The following EXT1 variants were observed in gnomAD, a reference collection of about 807,000 sequenced individuals.
The protein encoded by EXT1 is exostosin-1.
In EXT1, 20 loss-of-function variants were observed where a neutral mutation model predicts 82.5. The ratio of observed to expected loss-of-function variants is 0.24; its 90% CI spans 0.17 to 0.35. The LOEUF is 0.35. Among genes scored for constraint, EXT1 ranks in the 10% least tolerant of loss-of-function variants. EXT1 has a pLI of 1.00. For synonymous variants in EXT1, 348 were observed against 350.8 expected, an observed-to-expected ratio of 0.99 and a Z score of 0.09; for missense variants, 757 against 936.5, an observed-to-expected ratio of 0.81 and a Z score of 2.50.
At chr8:117,883,802 G>A (rs1340514743) in intron 1 of EXT1, among the ~76,000 whole-genome samples, 1 of 152,202 alleles carries the variant, frequency 6.6e-6, no homozygotes, top group Non-Finnish European at 1.5e-5. Flanking sequence ...GCTTAGACCA[G>A]GCAGCCGTCT....
chr8:118,065,546 T>G (rs1318321093), intron 1 of EXT1, among the ~76,000 whole-genome samples: 3 of 152,180 alleles, frequency 2.0e-5, no homozygotes, highest in Non-Finnish European at 4.4e-5. Context: ...TCAGAAATAT[T>G]TAAAAGTTTT....
chr8:117,890,361 G>C (rs1195103280), intron 1 of EXT1, among the ~76,000 whole-genome samples: 3 of 152,244 alleles, frequency 2.0e-5, no homozygotes, highest in East Asian at 1.9e-4. Flanking sequence ...CTGGGGAATG[G>C]GTGGGTGCTT....
chr8:117,914,036 T>C (rs1813700645), intron 1 of EXT1, among the ~76,000 whole-genome samples: 1 of 152,162 alleles, frequency 6.6e-6, no homozygotes, highest in East Asian at 1.9e-4. Flanking sequence ...ATATCCTACT[T>C]AACTTCTAAG....
chr8:117,847,830 A>C (rs1587008873), intron 1 of EXT1, among the ~76,000 whole-genome samples: 1 of 152,226 alleles, frequency 6.6e-6, no homozygotes, highest in South Asian at 2.1e-4. Flanking sequence ...CGTGACCTGC[A>C]TTCTTGTCAG....
chr8:117,924,907 T>C (rs1295350282), intron 1 of EXT1, among the ~76,000 whole-genome samples: 1 of 152,178 alleles, frequency 6.6e-6, no homozygotes, highest in Non-Finnish European at 1.5e-5. Flanking sequence ...TGTAATGGGC[T>C]CCCTGTAGAA....
chr8:117,847,371 T>C (rs1431213751), intron 1 of EXT1, among the ~76,000 whole-genome samples: 1 of 152,216 alleles, frequency 6.6e-6, no homozygotes, highest in East Asian at 1.9e-4. Context: ...CTTCCTTTTG[T>C]ACATTTTAAA....
intron 1 of EXT1, among the ~76,000 whole-genome samples, chr8:117,868,523 C>T (rs1339522716): frequency 6.6e-6 from 1 of 152,160 alleles, no homozygotes; most frequent in African/African-American, 2.4e-5. Context: ...ACAATCATAG[C>T]TTACCACAGC....
intron 1 of EXT1, among the ~76,000 whole-genome samples, chr8:117,850,223 G>A (rs1812430464): frequency 6.6e-6 from 1 of 152,170 alleles, no homozygotes; most frequent in Admixed American, 6.6e-5. Flanking sequence ...GTAAAACTTG[G>A]CATCAAAACA....
chr8:118,007,068 C>T (rs1563627613), intron 1 of EXT1, among the ~76,000 whole-genome samples: 1 of 152,188 alleles, frequency 6.6e-6, no homozygotes, highest in Non-Finnish European at 1.5e-5. Context: ...GAGGCCGAGA[C>T]AGGCGGATCA....
intron 1 of EXT1, among the ~76,000 whole-genome samples, chr8:117,980,883 G>A (rs913783165): frequency 3.3e-5 from 5 of 152,214 alleles, no homozygotes; most frequent in East Asian, 1.9e-4. Flanking sequence ...CTCCCGCTGC[G>A]AGGGCACCCC....
chr8:117,810,464 A>G (rs972444016), intron 8 of EXT1, among the ~76,000 whole-genome samples: 1 of 152,164 alleles, frequency 6.6e-6, no homozygotes, highest in African/African-American at 2.4e-5. Context: ...CATACAACAC[A>G]TGTTCCTCCC....
intron 1 of EXT1, among the ~76,000 whole-genome samples, chr8:117,978,813 C>T (rs905193616): frequency 1.3e-5 from 2 of 152,198 alleles, no homozygotes; most frequent in African/African-American, 2.4e-5. Context: ...AAGTTAACAA[C>T]TACCTGTGGC....
chr8:118,022,030 G>A (rs913706219), intron 1 of EXT1, among the ~76,000 whole-genome samples: 1 of 151,954 alleles, frequency 6.6e-6, no homozygotes, highest in Non-Finnish European at 1.5e-5. Context: ...CATTTCTGTT[G>A]CCCTGATCAA....
At chr8:117,910,820 G>T (rs1813633447) in intron 1 of EXT1, among the ~76,000 whole-genome samples, 1 of 152,172 alleles carries the variant, frequency 6.6e-6, no homozygotes, top group South Asian at 2.1e-4. Context: ...GCATGATCCT[G>T]AACTGGAGAA....
chr8:117,966,953 A>C (rs1257048791), intron 1 of EXT1, among the ~76,000 whole-genome samples: 1 of 152,188 alleles, frequency 6.6e-6, no homozygotes, highest in Non-Finnish European at 1.5e-5. Context: ...TTCATGCATA[A>C]TTACCATGCA....
intron 10 of EXT1, among the ~76,000 whole-genome samples, chr8:117,804,344 G>A (rs190655378): frequency 4.8e-4 from 73 of 152,254 alleles, no homozygotes; most frequent in African/African-American, 1.7e-3. Context: ...CAAATCTGCT[G>A]GTGCCTTGAT....
chr8:117,799,649 G>T lies in EXT1; in HGVS notation c.*63C>A, dbSNP rs1214158424. 1 of 1,580,960 alleles carries T rather than the reference G, an allele frequency of 6.3e-7. No individual in the cohort carries two copies. The highest frequency in any genetic ancestry group is 1.3e-5 in the African/African-American group (1 of 74,248). On this transcript the variant is annotated 3_prime_UTR_variant, in exon 11 of 11. Coordinates refer to ENST00000378204, the MANE Select transcript of EXT1 (RefSeq NM_000127.3). ...TCTGCTGATGAGTGGATCTGCACTG[G>T]GAAGAGAGAGCAGCTTGACCCCCAT...
intron 1 of EXT1, among the ~76,000 whole-genome samples, chr8:118,056,348 C>A (rs1268701063): frequency 6.6e-6 from 1 of 152,212 alleles, no homozygotes; most frequent in Non-Finnish European, 1.5e-5. Flanking sequence ...CTAGTGAGAA[C>A]ATGCTGCAGT....
intron 1 of EXT1, among the ~76,000 whole-genome samples, chr8:117,901,990 G>A (rs568336708): frequency 7.9e-5 from 12 of 151,662 alleles, no homozygotes; most frequent in Admixed American, 2.0e-4. Context: ...GAGCCACTGC[G>A]CCCAGCCTAT....
Sources: allele counts gnomAD v4.1 joint callset (sites outside exome capture counted in the v4.1 genomes callset), GRCh38; gene constraint gnomAD v4.1.1; transcripts MANE v1.5; gene names NCBI Gene and HGNC (gene_info 2026-07-23, HGNC 2026-07-21).